MAPK10: variants seen among roughly 807,000 people sequenced by gnomAD.
MAPK10 encodes mitogen-activated protein kinase 10, also known as JNK3 alpha protein kinase.
A neutral mutation model predicts 59.3 loss-of-function variants in MAPK10; 25 were observed. The observed-to-expected ratio is 0.42, with a 90% confidence interval of 0.31 to 0.59. The LOEUF is 0.59. Ranked by LOEUF, MAPK10 falls within the 20% of genes least tolerant of loss-of-function variation. MAPK10 has a pLI of 0.15. For missense variants in MAPK10, 351 were observed against 568.9 expected, an observed-to-expected ratio of 0.62 and a Z score of 3.90; for synonymous variants, 190 against 200.5, an observed-to-expected ratio of 0.95 and a Z score of 0.44.
intron 1 of MAPK10, among the ~76,000 whole-genome samples, chr4:86,498,718 A>G (rs551229516): frequency 1.3e-5 from 2 of 152,320 alleles, no homozygotes; most frequent in South Asian, 2.1e-4. Context: ...TATGTAGGGT[A>G]CACCACTCTG....
At chr4:86,503,949 G>A (rs753324792) in intron 1 of MAPK10, among the ~76,000 whole-genome samples, 2 of 152,094 alleles carry the variant, frequency 1.3e-5, no homozygotes, top group Admixed American at 1.3e-4. Flanking sequence ...GGCTTTGTAC[G>A]CATTCCACTC....
At chr4:86,360,470 C>T (rs1038963025), upstream of MAPK10, among the ~76,000 whole-genome samples, 1 of 152,182 alleles carries the variant, frequency 6.6e-6, no homozygotes, top group Non-Finnish European at 1.5e-5. Context: ...GTAATAACCT[C>T]AGAGGAGAAG....
chr4:86,372,564 G>GAAAGAAAGAGAAAAGAAAAGA, intron 1 of MAPK10, among the ~76,000 whole-genome samples: 16 of 78,690 alleles, frequency 2.0e-4, no homozygotes, highest in Non-Finnish European at 3.6e-4. Context: ...AAGAAAGAAA[G>GAAAGAAAGAGAAAAGAAAAGA]AAAGAAAAGA....
At chr4:86,544,981 C>T (rs1051408838) in intron 1 of MAPK10, among the ~76,000 whole-genome samples, 38 of 151,130 alleles carry the variant, frequency 2.5e-4, no homozygotes, top group African/African-American at 8.3e-4. Context: ...AAGGGAGGGA[C>T]GGCAAGAAGG....
chr4:86,583,995 T>C (rs1336965587), intron 1 of MAPK10, among the ~76,000 whole-genome samples: 3 of 152,190 alleles, frequency 2.0e-5, no homozygotes, highest in Non-Finnish European at 4.4e-5. Flanking sequence ...TTACTTTTGG[T>C]TAAAAGACAG....
chr4:86,115,595 G>A (rs1208471260), intron 4 of MAPK10, among the ~76,000 whole-genome samples: 1 of 152,118 alleles, frequency 6.6e-6, no homozygotes, highest in Non-Finnish European at 1.5e-5. Context: ...CTGAGTAGCT[G>A]GGATTACAGT....
At chr4:86,510,203 C>T (rs867135069) in intron 1 of MAPK10, among the ~76,000 whole-genome samples, 1 of 152,122 alleles carries the variant, frequency 6.6e-6, no homozygotes, top group South Asian at 2.1e-4. Flanking sequence ...GCCTCAAACA[C>T]CTGTGCTCAA....
At chr4:86,213,386 G>C (rs1347002349) in intron 2 of MAPK10, among the ~76,000 whole-genome samples, 1 of 151,544 alleles carries the variant, frequency 6.6e-6, no homozygotes, top group South Asian at 2.1e-4. Flanking sequence ...GAATAGAAAA[G>C]CAAAAAAGAA....
intron 2 of MAPK10, among the ~76,000 whole-genome samples, chr4:86,331,154 A>G (rs1307618364): frequency 6.6e-6 from 1 of 152,178 alleles, no homozygotes; most frequent in Non-Finnish European, 1.5e-5. Flanking sequence ...AAGTATGAGG[A>G]CAGGGAGAAC....
intron 4 of MAPK10, among the ~76,000 whole-genome samples, chr4:86,128,467 G>C (rs1580808702): frequency 6.6e-6 from 1 of 152,018 alleles, no homozygotes; most frequent in Non-Finnish European, 1.5e-5. Context: ...TTCCCCCTTT[G>C]CTGGTCTCTC....
intron 1 of MAPK10, among the ~76,000 whole-genome samples, chr4:86,543,216 G>C (rs993846737): frequency 6.6e-6 from 1 of 152,102 alleles, no homozygotes; most frequent in African/African-American, 2.4e-5. Flanking sequence ...GAGTACACCA[G>C]GAATTGAGCT....
At chr4:86,479,469 C>T (rs1254472880) in intron 1 of MAPK10, among the ~76,000 whole-genome samples, 1 of 132,420 alleles carries the variant, frequency 7.6e-6, no homozygotes, top group African/African-American at 2.8e-5. Flanking sequence ...GACTGCACCC[C>T]CCACCAAAAA....
At chr4:86,325,472 A>G (rs2096001603) in intron 2 of MAPK10, among the ~76,000 whole-genome samples, 1 of 152,248 alleles carries the variant, frequency 6.6e-6, no homozygotes, top group Non-Finnish European at 1.5e-5. Context: ...CCACCATACT[A>G]CACTGCCTCT....
intron 1 of MAPK10, among the ~76,000 whole-genome samples, chr4:86,581,601 G>A (rs1312467264): frequency 2.0e-5 from 3 of 150,850 alleles, no homozygotes; most frequent in African/African-American, 7.3e-5. Flanking sequence ...TCCCCAGCAG[G>A]TGTTCTATTT....
At chr4:86,407,396 C>A (rs111392991) in intron 1 of MAPK10, among the ~76,000 whole-genome samples, 28 of 152,212 alleles carry the variant, frequency 1.8e-4, no homozygotes, top group African/African-American at 6.3e-4. Context: ...TTTCTCCATA[C>A]TTACAGGAGA....
chr4:86,023,850 T>TATATATATATATATAA (rs1241006302), intron 13 of MAPK10: 1 of 112,758 alleles, frequency 8.9e-6, no homozygotes, highest in Non-Finnish European at 1.8e-5. Flanking sequence ...TATATATATA[T>TATATATATATATATAA]AAAATGAATG....
At chr4:86,175,364 AT>A (rs1202997427) in intron 3 of MAPK10, among the ~76,000 whole-genome samples, 1 of 152,130 alleles carries the variant, frequency 6.6e-6, no homozygotes. Context: ...AAAGAACGTT[AT>A]TCTTAAACCC....
chr4:86,582,248 A>G (rs1002818380), intron 1 of MAPK10, among the ~76,000 whole-genome samples: 1 of 152,020 alleles, frequency 6.6e-6, no homozygotes, highest in African/African-American at 2.4e-5. Flanking sequence ...GAGAAGAAGA[A>G]ATTTGTAAGT....
chr4:86,454,686 A>C (rs1349285388), upstream of MAPK10, among the ~76,000 whole-genome samples: 3 of 152,182 alleles, frequency 2.0e-5, no homozygotes, highest in Non-Finnish European at 2.9e-5. Flanking sequence ...AAAGAAATCT[A>C]AACATTTGGC....
Sources: allele counts gnomAD v4.1 joint callset (sites outside exome capture counted in the v4.1 genomes callset), GRCh38; gene constraint gnomAD v4.1.1; transcripts MANE v1.5; gene names NCBI Gene and HGNC (gene_info 2026-07-23, HGNC 2026-07-21).